Variants in LRRTM3 observed in about 807,000 individuals in gnomAD.
The protein encoded by LRRTM3 is leucine-rich repeat transmembrane neuronal protein 3.
LRRTM3 carries 24 observed loss-of-function variants against 44.7 expected under a neutral mutation model. That is an observed-to-expected ratio of 0.54 (90% CI 0.39 to 0.76). LRRTM3 has a LOEUF of 0.76. LRRTM3 is among the 30% of genes least tolerant of loss of function. LRRTM3 has a pLI of 0.00. For missense variants in LRRTM3, 587 were observed against 702.2 expected (o/e 0.84, Z 1.85); for synonymous variants, 277 against 278.7 (o/e 0.99, Z 0.06).
chr10:67,082,110 C>T (rs1003056351), intron 2 of LRRTM3, among the ~76,000 whole-genome samples: 9 of 152,144 alleles, frequency 5.9e-5, no homozygotes, highest in African/African-American at 2.2e-4. Context: ...AACCAATTTT[C>T]TTTCAATGCT....
At chr10:67,052,096 G>A (rs184086143) in intron 2 of LRRTM3, among the ~76,000 whole-genome samples, 94 of 152,214 alleles carry the variant, frequency 6.2e-4, no homozygotes, top group East Asian at 2.7e-3. Context: ...TGGAGGGGTC[G>A]TTGAGAGTCT....
chr10:67,008,798 C>A (rs1852158262), intron 2 of LRRTM3, among the ~76,000 whole-genome samples: 1 of 152,062 alleles, frequency 6.6e-6, no homozygotes, highest in Non-Finnish European at 1.5e-5. Flanking sequence ...GACAGAAGGC[C>A]CCAGTGCATA....
chr10:67,086,144 G>A (rs935448411), intron 2 of LRRTM3, among the ~76,000 whole-genome samples: 1 of 152,018 alleles, frequency 6.6e-6, no homozygotes, highest in Admixed American at 6.6e-5. Flanking sequence ...GGATGAAGGG[G>A]TGGAAGAAAC....
intron 2 of LRRTM3, among the ~76,000 whole-genome samples, chr10:67,082,524 G>GT (rs1464270596): frequency 6.6e-6 from 1 of 152,124 alleles, no homozygotes; most frequent in Non-Finnish European, 1.5e-5. Context: ...ATTTACTATA[G>GT]TAAGAAGTTG....
chr10:67,091,476 A>G (rs1857634711), intron 2 of LRRTM3, among the ~76,000 whole-genome samples: 1 of 152,042 alleles, frequency 6.6e-6, no homozygotes, highest in Admixed American at 6.6e-5. Flanking sequence ...ATAATGCTTC[A>G]GACATGACCA....
At chr10:67,073,003 T>C (rs2131853500) in intron 2 of LRRTM3, among the ~76,000 whole-genome samples, 1 of 152,268 alleles carries the variant, frequency 6.6e-6, no homozygotes, top group South Asian at 2.1e-4. Flanking sequence ...ACTAAAAGTT[T>C]TGCTAACTTT....
chr10:66,955,670 G>A (rs1848751582), intron 2 of LRRTM3, among the ~76,000 whole-genome samples: 1 of 152,120 alleles, frequency 6.6e-6, no homozygotes, highest in Non-Finnish European at 1.5e-5. Context: ...ATTTATAAGA[G>A]CAAGACTGAG....
intron 2 of LRRTM3, among the ~76,000 whole-genome samples, chr10:67,021,218 A>G (rs887431107): frequency 3.3e-5 from 5 of 151,944 alleles, no homozygotes; most frequent in Non-Finnish European, 5.9e-5. Flanking sequence ...CAATACTGGG[A>G]AAAAAAAGCT....
At chr10:66,964,049 AC>A (rs1337951310) in intron 2 of LRRTM3, among the ~76,000 whole-genome samples, 3 of 151,364 alleles carry the variant, frequency 2.0e-5, no homozygotes, top group African/African-American at 7.3e-5. Flanking sequence ...ATGGGTTTTC[AC>A]CATGTTGGCC....
At chr10:67,010,407 T>G (rs1403116677) in intron 2 of LRRTM3, among the ~76,000 whole-genome samples, 1 of 152,094 alleles carries the variant, frequency 6.6e-6, no homozygotes, top group African/African-American at 2.4e-5. Flanking sequence ...AAATAAAAAG[T>G]CAGGAAGTAG....
chr10:66,970,525 A>T (rs953460167), intron 2 of LRRTM3, among the ~76,000 whole-genome samples: 1 of 150,676 alleles, frequency 6.6e-6, no homozygotes, highest in East Asian at 1.9e-4. Context: ...CAATTCTTCT[A>T]TTAGGGAAAT....
chr10:66,936,169 G>A (rs563440674), intron 2 of LRRTM3, among the ~76,000 whole-genome samples: 1 of 152,048 alleles, frequency 6.6e-6, no homozygotes, highest in South Asian at 2.1e-4. Flanking sequence ...CTTTACTCTG[G>A]TCACTTTTAT....
chr10:66,954,572 C>T (rs373617949), intron 2 of LRRTM3, among the ~76,000 whole-genome samples: 6 of 152,218 alleles, frequency 3.9e-5, no homozygotes, highest in Admixed American at 1.3e-4. Flanking sequence ...AATATGAATA[C>T]ATAAACTTAG....
chr10:67,035,847 G>T (rs750248876), intron 2 of LRRTM3, among the ~76,000 whole-genome samples: 1 of 152,130 alleles, frequency 6.6e-6, no homozygotes, highest in Non-Finnish European at 1.5e-5. Flanking sequence ...CAAAGAAACT[G>T]TCCAGTACAT....
chr10:67,071,859 C>T (rs1041282773), intron 2 of LRRTM3, among the ~76,000 whole-genome samples: 3 of 151,996 alleles, frequency 2.0e-5, no homozygotes, highest in African/African-American at 4.8e-5. Context: ...TTATACTGTG[C>T]CCAATTTATC....
At chr10:67,051,463 C>CTTTTTT (rs11334360) in intron 2 of LRRTM3, among the ~76,000 whole-genome samples, 2 of 129,728 alleles carry the variant, frequency 1.5e-5, no homozygotes, top group Non-Finnish European at 3.4e-5. Context: ...TTTCTTTTTT[C>CTTTTTT]TTTTTTTTTT....
At chr10:67,032,122 T>C (rs890970040) in intron 2 of LRRTM3, among the ~76,000 whole-genome samples, 1 of 152,160 alleles carries the variant, frequency 6.6e-6, no homozygotes, top group Non-Finnish European at 1.5e-5. Context: ...ACAAGGTTTG[T>C]TTCCACTTTA....
chr10:67,010,662 T>C (rs1042970060), intron 2 of LRRTM3, among the ~76,000 whole-genome samples: 1 of 152,188 alleles, frequency 6.6e-6, no homozygotes, highest in African/African-American at 2.4e-5. Context: ...TATCAGTAGC[T>C]GCTAGGAATT....
chr10:67,093,192 A>G (rs551850957), intron 2 of LRRTM3, among the ~76,000 whole-genome samples: 2 of 152,034 alleles, frequency 1.3e-5, no homozygotes, highest in East Asian at 3.9e-4. Context: ...CCAACAAAAG[A>G]TCTGGAGAAG....
Sources: allele counts gnomAD v4.1 joint callset (sites outside exome capture counted in the v4.1 genomes callset), GRCh38; gene constraint gnomAD v4.1.1; transcripts MANE v1.5; gene names NCBI Gene and HGNC (gene_info 2026-07-23, HGNC 2026-07-21).